Variants in CYP3A7 observed in about 807,000 individuals in gnomAD.
CYP3A7 encodes cytochrome P450 family 3 subfamily A member 7.
In CYP3A7, 45 loss-of-function variants were observed where a neutral mutation model predicts 55.2. That is an observed-to-expected ratio of 0.82 (90% CI 0.64 to 1.05). The LOEUF is 1.05. CYP3A7 is among the 50% of genes least tolerant of loss of function. The pLI is 0.00. For synonymous variants in CYP3A7, 180 were observed against 207.4 expected, an observed-to-expected ratio of 0.87 and a Z score of 1.13; for missense variants, 548 against 605.3, an observed-to-expected ratio of 0.91 and a Z score of 0.99.
chr7:99,705,430 A>C lies in CYP3A7; in HGVS notation c.*70T>G. On this transcript the variant is annotated 3_prime_UTR_variant, in exon 13 of 13. Transcript: ENST00000336374. ...CTTCATTTCAGGGTTCTATTTGTAA[A>C]GTAATTTGAGGTCTCTGGTGTTCTG... 10 of 1,534,674 alleles carry C rather than the reference A, an allele frequency of 6.5e-6. No homozygotes were observed. Among genetic ancestry groups the C allele is most frequent in the Non-Finnish European group, 9.0e-6 (10 of 1,110,544 alleles).
At position 99,720,347 on chromosome 7, in the gene CYP3A7, A is replaced by G; in HGVS notation, c.284T>C (p.Val95Ala). 1 of 1,613,666 alleles carries G rather than the reference A, an allele frequency of 6.2e-7. No homozygotes were observed. The highest frequency in any genetic ancestry group is 8.5e-7 in the Non-Finnish European group (1 of 1,179,754). The change falls in exon 4 of 13, where the codon GTG becomes GCG. Residue 95 changes from valine to alanine, a missense_variant. Transcript: ENST00000336374. The part of the protein sequence containing the change: ...TDPDMIKTVL[V>A]KECYSVFTNR... ...TGTGAAGACAGAATAACATTCTTTC[A>G]CTAGCACTGTTTTGATCATGTCGGG...
chr7:99,711,687 G>A (rs1157853341), intron 9 of CYP3A7, among the ~76,000 whole-genome samples: 12 of 152,176 alleles, frequency 7.9e-5, no homozygotes, highest in Non-Finnish European at 1.8e-4. Flanking sequence ...ATAATCGCTT[G>A]AATCTGGGAG....
intron 12 of CYP3A7, among the ~76,000 whole-genome samples, chr7:99,707,534 T>C (rs1367838481): frequency 1.3e-5 from 2 of 152,178 alleles, no homozygotes; most frequent in Non-Finnish European, 2.9e-5. Flanking sequence ...TCTTTCCAAT[T>C]GACTTGAAAC....
intron 9 of CYP3A7, among the ~76,000 whole-genome samples, chr7:99,711,181 T>G (rs1813735778): frequency 2.6e-5 from 4 of 152,186 alleles, no homozygotes; most frequent in Admixed American, 2.6e-4. Context: ...GAGAGAACAT[T>G]TCTGCATAAC....
At chr7:99,730,679 C>T (rs1814576497) in intron 2 of CYP3A7, 2 of 230,658 alleles carry the variant, frequency 8.7e-6, no homozygotes, top group Non-Finnish European at 1.7e-5. Context: ...CTCATGTCCA[C>T]AGATAACAAG....
intron 8 of CYP3A7, 98 bp downstream of exon 8, chr7:99,714,457 T>C (rs1197206262): frequency 6.5e-7 from 1 of 1,549,848 alleles, no homozygotes; most frequent in East Asian, 2.3e-5. Context: ...TGTTAAAATC[T>C]TTCTCTAAAA....
chr7:99,714,710 C>T (rs371765627), intron 7 of CYP3A7, 28 bp from the exon 8 acceptor site: 99 of 1,604,254 alleles, frequency 6.2e-5, no homozygotes, highest in African/African-American at 4.3e-4. Flanking sequence ...CAACAGAAAA[C>T]GAAACCATTG....
chr7:99,727,876 A>C (rs1017899948), intron 2 of CYP3A7, among the ~76,000 whole-genome samples: 1 of 152,196 alleles, frequency 6.6e-6, no homozygotes, highest in African/African-American at 2.4e-5. Context: ...TTTCTTCACT[A>C]TGCAAGTGTC....
In CYP3A7 at chr7:99,709,223, A is replaced by G. The variant is rs114007150; in HGVS notation, c.1065T>C (p.Tyr355=). The change falls in exon 11 of 13, where the codon TAT becomes TAC. Residue 355 remains tyrosine (Y), a synonymous_variant. Coordinates refer to ENST00000336374, the MANE Select transcript of CYP3A7 (RefSeq NM_000765.5). ...GTGTTTCATTCACCACCATGTCAAG[A>G]TACTCCAACTGTAGCACAGTATCAT... ...PTYDTVLQLE[Y]LDMVVNETLR... is the part of the protein sequence containing the mutation. 1 of 1,613,906 alleles carries G rather than the reference A, an allele frequency of 6.2e-7. No individual in the cohort carries two copies. Among genetic ancestry groups the G allele is most frequent in the East Asian group, 2.2e-5 (1 of 44,840 alleles).
intron 10 of CYP3A7, among the ~76,000 whole-genome samples, chr7:99,709,830 T>A (rs80045298): frequency 0.05 from 7,645 of 152,134 alleles, 237 homozygotes; most frequent in Middle Eastern, 0.13. Context: ...GCAGGGCTTT[T>A]GTTATATACA....
chr7:99,730,832 G>A (rs1032313532), intron 2 of CYP3A7: 6 of 519,870 alleles, frequency 1.2e-5, no homozygotes, highest in African/African-American at 1.9e-5. Context: ...TCAGATTGCT[G>A]GATCTACTTG....
chr7:99,707,662 C>T, intron 12 of CYP3A7, 150 bp downstream of exon 12: 1 of 1,338,602 alleles, frequency 7.5e-7, no homozygotes, highest in South Asian at 1.4e-5. Flanking sequence ...CTGAAGCACC[C>T]TTAAAGATCA....
At chr7:99,725,194 C>G (rs1814362635) in intron 2 of CYP3A7, among the ~76,000 whole-genome samples, 1 of 152,186 alleles carries the variant, frequency 6.6e-6, no homozygotes, top group East Asian at 1.9e-4. Flanking sequence ...TCATGGCCCA[C>G]TTAGCACCTA....
chr7:99,709,319 A>T, intron 10 of CYP3A7, 58 bp from the exon 11 acceptor site: 1 of 1,574,946 alleles, frequency 6.3e-7, no homozygotes, highest in Non-Finnish European at 8.6e-7. Flanking sequence ...CTTTTAACTC[A>T]GTCCATGTAG....
intron 6 of CYP3A7, among the ~76,000 whole-genome samples, chr7:99,716,915 G>A (rs2151513960): frequency 6.6e-6 from 1 of 152,224 alleles, no homozygotes; most frequent in Non-Finnish European, 1.5e-5. Context: ...GATGTATTTA[G>A]TCCTCCAGAA....
At chr7:99,705,620 G>A in intron 12 of CYP3A7, 25 bp from the exon 13 acceptor site, 1 of 1,611,034 alleles carries the variant, frequency 6.2e-7, no homozygotes, top group African/African-American at 1.3e-5. Flanking sequence ...CGAGCATATT[G>A]AGAAGCATTA....
intron 4 of CYP3A7, 34 bp downstream of exon 4, chr7:99,720,279 A>G (rs1283017431): frequency 4.3e-6 from 7 of 1,609,840 alleles, no homozygotes; most frequent in Admixed American, 1.7e-5. Flanking sequence ...TAATCAATCA[A>G]TGAGTATTTT....
intron 4 of CYP3A7, among the ~76,000 whole-genome samples, chr7:99,719,054 A>G (rs1814080215): frequency 1.3e-5 from 2 of 152,232 alleles, no homozygotes; most frequent in African/African-American, 4.8e-5. Context: ...AAGACCAAAC[A>G]TAGTGAAGAT....
intron 2 of CYP3A7, among the ~76,000 whole-genome samples, chr7:99,723,311 T>C (rs569076215): frequency 3.9e-4 from 60 of 152,302 alleles, no homozygotes; most frequent in African/African-American, 1.4e-3. Context: ...GATCGATTGA[T>C]CGACCTCGTG....
Sources: gnomAD v4.1 joint callset for allele counts (sites outside exome capture counted in the v4.1 genomes callset) on GRCh38, gnomAD v4.1.1 for gene constraint, MANE v1.5 for transcripts, NCBI Gene and HGNC (gene_info 2026-07-23, HGNC 2026-07-21) for gene names.